The following ADAMTS17 variants were observed in gnomAD, a reference collection of about 807,000 sequenced individuals.
ADAMTS17 encodes the protein ADAM metallopeptidase with thrombospondin type 1 motif 17.
A neutral mutation model predicts 141.5 loss-of-function variants in ADAMTS17; 113 were observed. That is an observed-to-expected ratio of 0.80 (90% CI 0.69 to 0.93). The LOEUF (loss-of-function observed/expected upper bound fraction) is 0.93, where lower values mean the gene tolerates loss of function less well. Ranked by LOEUF, ADAMTS17 falls within the 40% of genes least tolerant of loss-of-function variation. ADAMTS17 has a pLI of 0.00. For synonymous variants in ADAMTS17, 768 were observed against 630.6 expected (o/e 1.22, Z -3.27); for missense variants, 1,659 against 1,517.9 (o/e 1.09, Z -1.54).
chr15:100,194,757 T>C (rs942345535), intron 8 of ADAMTS17, among the ~76,000 whole-genome samples: 1 of 152,214 alleles, frequency 6.6e-6, no homozygotes, highest in Non-Finnish European at 1.5e-5. Flanking sequence ...CACGCTGTCC[T>C]GGTTTCTTGA....
intron 4 of ADAMTS17, among the ~76,000 whole-genome samples, chr15:100,265,657 G>C (rs1339399637): frequency 3.3e-5 from 5 of 152,192 alleles, no homozygotes; most frequent in Non-Finnish European, 7.3e-5. Context: ...GCCAGGCTGG[G>C]CTTCACAAGG....
intron 7 of ADAMTS17, among the ~76,000 whole-genome samples, chr15:100,209,269 A>G (rs1370858759): frequency 1.3e-5 from 2 of 152,188 alleles, no homozygotes; most frequent in Non-Finnish European, 2.9e-5. Flanking sequence ...AGCTCTTTCA[A>G]TCTACACGTT....
intron 14 of ADAMTS17, 38 bp from the exon 15 acceptor site, chr15:100,096,514 A>G (rs1400192580): frequency 6.2e-7 from 1 of 1,613,698 alleles, no homozygotes; most frequent in Non-Finnish European, 8.5e-7. Flanking sequence ...TGTGGTTAAG[A>G]CTCAGAGGAG....
chr15:100,005,637 C>T (rs909215745), intron 18 of ADAMTS17, among the ~76,000 whole-genome samples: 5 of 152,152 alleles, frequency 3.3e-5, no homozygotes, highest in Non-Finnish European at 7.3e-5. Flanking sequence ...ACTTTAAGGC[C>T]AGCTGATTAC....
At chr15:100,116,176 G>A (rs575311718) in intron 13 of ADAMTS17, among the ~76,000 whole-genome samples, 5 of 145,854 alleles carry the variant, frequency 3.4e-5, no homozygotes, top group Admixed American at 6.9e-5. Flanking sequence ...ACCCTGAAGC[G>A]GGTCCTGGGG....
chr15:100,205,196 C>G (rs72755252), intron 7 of ADAMTS17, among the ~76,000 whole-genome samples: 1 of 152,082 alleles, frequency 6.6e-6, no homozygotes, highest in Non-Finnish European at 1.5e-5. Context: ...GAGAATCACA[C>G]GAGTCCCCAC....
At position 99,973,806 on chromosome 15, in the gene ADAMTS17, GGC is replaced by G; in HGVS notation, c.*594_*595del. 2 of 184,366 alleles carry G rather than the reference GGC, an allele frequency of 1.1e-5. No individual in the cohort carries two copies. The highest frequency in any genetic ancestry group is 2.3e-5 in the Non-Finnish European group (2 of 87,284). 11.4% of individuals were successfully genotyped at this position (184,366 alleles called of 1,614,324 possible). On this transcript the variant is annotated 3_prime_UTR_variant, in exon 22 of 22. Transcript: ENST00000268070. ...TACACTCCACGCACGAGACTTCCAAGGCAACACCTAGGATTTAGAGACTATGT... is the reference window on the plus strand; with the variant it reads ...TACACTCCACGCACGAGACTTCCAAGAACACCTAGGATTTAGAGACTATGT...
At chr15:100,130,871 A>G (rs1295717917) in intron 12 of ADAMTS17, among the ~76,000 whole-genome samples, 1 of 152,212 alleles carries the variant, frequency 6.6e-6, no homozygotes, top group Non-Finnish European at 1.5e-5. Flanking sequence ...TACTGAGTAT[A>G]TACCCAAGGA....
intron 10 of ADAMTS17, among the ~76,000 whole-genome samples, chr15:100,139,720 C>T (rs2038528310): frequency 1.3e-5 from 2 of 152,142 alleles, no homozygotes; most frequent in South Asian, 2.1e-4. Flanking sequence ...TCAATCTAGT[C>T]GTGAGAACAC....
chr15:100,294,371 A>G (rs1367151294), intron 3 of ADAMTS17, among the ~76,000 whole-genome samples: 2 of 152,138 alleles, frequency 1.3e-5, no homozygotes, highest in Non-Finnish European at 2.9e-5. Context: ...ACTCTGCAGG[A>G]GGCATGAAAT....
intron 15 of ADAMTS17, among the ~76,000 whole-genome samples, chr15:100,085,600 C>T (rs1166699945): frequency 6.6e-6 from 1 of 152,016 alleles, no homozygotes; most frequent in African/African-American, 2.4e-5. Flanking sequence ...AGAGAAAGGT[C>T]GGGTTACCCA....
chr15:99,979,960 T>C (rs2060450656), intron 20 of ADAMTS17: 1 of 152,200 alleles, frequency 6.6e-6, no homozygotes, highest in African/African-American at 2.4e-5. Context: ...CCCTGCTTCC[T>C]GGGAAAACGG....
In ADAMTS17 at chr15:100,169,721, A is replaced by G. The variant is rs545267313; in HGVS notation, c.1182-14401T>C. Among the ~76,000 whole-genome samples the G allele has an allele frequency of 2.0e-5, 3 of 152,300 alleles. No individual in the cohort carries two copies. The South Asian group carries it at 6.2e-4, about 32-fold the overall frequency. On this transcript the variant is annotated intron_variant, in intron 8 of 21. Transcript: ENST00000268070. ...GGCTGGGAGCCCTCAGGTACTGTGA[A>G]CTGCATGCTCGAAACCAGCAGGAAA...
chr15:100,291,884 G>T (rs1263581772), intron 3 of ADAMTS17, among the ~76,000 whole-genome samples: 1 of 152,218 alleles, frequency 6.6e-6, no homozygotes, highest in East Asian at 1.9e-4. Context: ...CCCCCACGAT[G>T]CGATTTATTT....
At chr15:100,061,724 G>A (rs2033136822) in intron 15 of ADAMTS17, among the ~76,000 whole-genome samples, 1 of 152,240 alleles carries the variant, frequency 6.6e-6, no homozygotes, top group Non-Finnish European at 1.5e-5. Flanking sequence ...CTCAGAAGCC[G>A]GGGTCGGAAG....
chr15:99,983,213 G>A (rs1010066711), intron 20 of ADAMTS17, among the ~76,000 whole-genome samples: 2 of 152,162 alleles, frequency 1.3e-5, no homozygotes, highest in East Asian at 1.9e-4. Context: ...ACGGGGGACC[G>A]GGCTTACGTA....
rs769151781 is a variant in ADAMTS17, at chr15:100,048,953, T to A, written c.2495A>T (p.Asn832Ile). ...RTIVSCTRIV[N>I]KTTTLVNDSD... ...GTCGTTCACCAGAGTTGTGGTCTTG[T>A]TGACAATCCGTGTACACGAGACGAT... Residue 832 changes from asparagine (N) to isoleucine (I), a missense_variant, in exon 18 of 22, where the codon AAC becomes ATC. Transcript: ENST00000268070. The A allele has an allele frequency of 6.2e-7, 1 of 1,614,034 alleles. No homozygotes were observed. The highest frequency in any genetic ancestry group is 1.7e-5 in the Admixed American group (1 of 60,006).
chr15:100,263,255 C>T (rs1269759036), intron 4 of ADAMTS17, among the ~76,000 whole-genome samples: 1 of 152,138 alleles, frequency 6.6e-6, no homozygotes, highest in African/African-American at 2.4e-5. Context: ...AGGCTGGCAT[C>T]TCCACTACTC....
At position 100,096,362 on chromosome 15, in the gene ADAMTS17, C is replaced by T. The variant is rs1292207130; in HGVS notation, c.2131G>A (p.Gly711Arg). ...LVKGDFSHARGTALKDSGKGS... is the reference protein window; with the variant it reads ...LVKGDFSHARRTALKDSGKGS... ...CCCATGGGCCAACACTCACCTGTCC[C>T]CCGGGCGTGGCTGAAGTCGCCCTTC... Residue 711 changes from glycine to arginine, a missense_variant, in exon 15 of 22, where the codon GGG (glycine) becomes AGG (arginine). Physicochemically the swap from Gly to Arg is moderately radical, Grantham distance 125 (BLOSUM62 -2). Coordinates refer to ENST00000268070, the MANE Select transcript of ADAMTS17 (RefSeq NM_139057.4). 1 of 1,613,826 alleles carries T rather than the reference C, an allele frequency of 6.2e-7. No homozygotes were observed. Among genetic ancestry groups the T allele is most frequent in the Non-Finnish European group, 8.5e-7 (1 of 1,180,038 alleles).
Sources: gnomAD v4.1 joint callset for allele counts (sites outside exome capture counted in the v4.1 genomes callset) on GRCh38, gnomAD v4.1.1 for gene constraint, MANE v1.5 for transcripts, NCBI Gene and HGNC (gene_info 2026-07-23, HGNC 2026-07-21) for gene names.